NOX5: variants seen among roughly 807,000 people sequenced by gnomAD.
NOX5 encodes NADPH oxidase, EF-hand calcium binding domain 5.
A neutral mutation model predicts 85.7 loss-of-function variants in NOX5; 76 were observed. The ratio of observed to expected loss-of-function variants is 0.89; its 90% CI spans 0.74 to 1.07. The LOEUF (loss-of-function observed/expected upper bound fraction) is 1.07. Among genes scored for constraint, NOX5 ranks in the 50% least tolerant of loss-of-function variants. The pLI is 0.00. For missense variants in NOX5, 973 were observed against 999.5 expected (o/e 0.97, Z 0.36); for synonymous variants, 405 against 401.4 (o/e 1.01, Z -0.11).
At chr15:69,031,885 T>G in intron 4 of NOX5, 73 bp downstream of exon 4, 7 of 1,450,132 alleles carry the variant, frequency 4.8e-6, no homozygotes, top group Non-Finnish European at 6.5e-6. Context: ...TGGCAGGAAC[T>G]CACCGCGGAT....
rs930212969 is a variant in NOX5 at position 69,060,879 on chromosome 15, C to G, written c.*4183C>G. On this transcript the variant is annotated 3_prime_UTR_variant, in exon 16 of 16. Transcript: ENST00000388866. ...TTATCTGTTGGGGGCCCAGATGTGT[C>G]TACAGCATTGTTAACATCTGGTGAA... The G allele has an allele frequency of 5.3e-5, 8 of 152,228 alleles. No individual in the cohort carries two copies. Among genetic ancestry groups the G allele is most frequent in the Admixed American group, 3.3e-4 (5 of 15,278 alleles). 9.4% of individuals were successfully genotyped at this position (152,228 alleles called of 1,614,324 possible).
chr15:69,054,446 C>A (rs189648840), intron 14 of NOX5, among the ~76,000 whole-genome samples: 1 of 152,324 alleles, frequency 6.6e-6, no homozygotes, highest in Non-Finnish European at 1.5e-5. Context: ...CAGTTACTCT[C>A]AACCTTCCCC....
Position 69,056,841 on chromosome 15 carries a change from A to T in NOX5, c.*145A>T. On this transcript the variant is annotated 3_prime_UTR_variant, in exon 16 of 16. Coordinates refer to ENST00000388866, the MANE Select transcript of NOX5 (RefSeq NM_024505.4). ...CCCCCTAATCCTGCTCAACAGAGAG[A>T]ACAGGAGACCCCAAGGGGCAGATGA... 1 of 999,848 alleles carries T rather than the reference A, an allele frequency of 1.0e-6. No individual in the cohort carries two copies. Among genetic ancestry groups the T allele is most frequent in the Non-Finnish European group, 1.4e-6 (1 of 703,534 alleles). The allele number at this position is 999,848 out of a possible 1,614,324, so 61.9% of individuals were successfully genotyped here.
rs1176617906 is a variant in NOX5 at position 69,057,134 on chromosome 15, A to C, written c.*438A>C. Reference sequence around the variant, plus strand: ...TTGTTCAAACCTACAAAAAGTGAGAAGAATCATACAGTGAACAGTGTTACC... The same window carrying C: ...TTGTTCAAACCTACAAAAAGTGAGACGAATCATACAGTGAACAGTGTTACC... On this transcript the variant is annotated 3_prime_UTR_variant, in exon 16 of 16. Coordinates refer to ENST00000388866, the MANE Select transcript of NOX5 (RefSeq NM_024505.4). 6.0e-6 allele frequency: 1 copy of C among 165,414 alleles called. No homozygotes were observed. Among genetic ancestry groups the C allele is most frequent in the Non-Finnish European group, 1.3e-5 (1 of 74,830 alleles). 10.2% of individuals were successfully genotyped at this position (165,414 alleles called of 1,614,324 possible).
At chr15:69,053,526 G>A (rs531089875) in intron 14 of NOX5, among the ~76,000 whole-genome samples, 7 of 152,314 alleles carry the variant, frequency 4.6e-5, no homozygotes, top group African/African-American at 7.2e-5. Flanking sequence ...TGGTTATACC[G>A]TAAATTATTT....
chr15:69,039,078 C>T, intron 9 of NOX5, 89 bp downstream of exon 9: 1 of 1,416,410 alleles, frequency 7.1e-7, no homozygotes, highest in East Asian at 2.3e-5. Flanking sequence ...GAACACAGCA[C>T]TGAACAAGGC....
At position 69,049,052 on chromosome 15, in the gene NOX5, CAATACGGT is replaced by C. The variant is rs1320230567; in HGVS notation, c.1996_1999+4del. The stretch of plus-strand genomic sequence containing the variant: ...GGAGATGGACCAGGCCGAGGAGGCT[CAATACGGT>C]AAGAGAGGGACAGGGCCTGAGGGCA... On this transcript the variant is annotated splice_donor_variant and coding_sequence_variant, in exon 14 of 16. Coordinates refer to ENST00000388866, the MANE Select transcript of NOX5 (RefSeq NM_024505.4). LOFTEE classifies it high-confidence loss of function. 3.1e-6 allele frequency: 5 copies of C among 1,610,066 alleles called. No individual in the cohort carries two copies. The highest frequency in any genetic ancestry group is 4.2e-6 in the Non-Finnish European group (5 of 1,178,316).
intron 15 of NOX5, 137 bp from the exon 16 acceptor site, chr15:69,056,428 A>AT: frequency 9.0e-7 from 1 of 1,113,044 alleles, no homozygotes. Flanking sequence ...CAGCTGTGCC[A>AT]TGCAGCTCCC....
chr15:69,038,425 T>C, intron 8 of NOX5: 1 of 240,054 alleles, frequency 4.2e-6, no homozygotes, highest in Non-Finnish European at 8.1e-6. Flanking sequence ...GGCCTAGAGA[T>C]AACACAGTGC....
intron 9 of NOX5, among the ~76,000 whole-genome samples, chr15:69,040,287 C>A (rs1203899824): frequency 6.6e-6 from 1 of 152,212 alleles, no homozygotes; most frequent in East Asian, 1.9e-4. Flanking sequence ...TAAAGAACGT[C>A]TATGCTCTCA....
chr15:69,049,986 C>T (rs1030452200), intron 14 of NOX5, among the ~76,000 whole-genome samples: 1 of 152,214 alleles, frequency 6.6e-6, no homozygotes, highest in Non-Finnish European at 1.5e-5. Context: ...GCAGTCAACA[C>T]CCTCCCCTGA....
At chr15:69,036,895 C>T in intron 7 of NOX5, 133 bp from the exon 8 acceptor site, 1 of 731,892 alleles carries the variant, frequency 1.4e-6, no homozygotes, top group South Asian at 1.8e-5. Context: ...CAACATCTTA[C>T]CCAACTCCAT....
chr15:69,036,883 C>G (rs1302908178), intron 7 of NOX5, 145 bp from the exon 8 acceptor site: 1 of 672,740 alleles, frequency 1.5e-6, no homozygotes, highest in East Asian at 2.6e-5. Flanking sequence ...GCTTCCCAGC[C>G]CCAACATCTT....
Position 69,034,696 on chromosome 15 carries a change from C to T in NOX5, c.856-658C>T, listed in dbSNP as rs2050488893. Among the ~76,000 whole-genome samples, 10 of 152,332 alleles carry T rather than the reference C, an allele frequency of 6.6e-5. No individual in the cohort carries two copies. In the South Asian group the frequency reaches 2.1e-3, roughly 32 times the overall value. The stretch of plus-strand genomic sequence containing the variant: ...CTCGAGAACTAACACAACACGTGCC[C>T]ATCTGACATATGGACTAAATGAGGG... On this transcript the variant is annotated intron_variant, in intron 5 of 15. Coordinates refer to ENST00000388866, the MANE Select transcript of NOX5 (RefSeq NM_024505.4).
At chr15:69,051,472 C>T (rs527647100) in intron 14 of NOX5, among the ~76,000 whole-genome samples, 33 of 152,096 alleles carry the variant, frequency 2.2e-4, no homozygotes, top group African/African-American at 7.2e-4. Context: ...CTCTGCCTCC[C>T]GGGCTCAAGC....
chr15:69,038,807 G>A (rs2050554807), intron 8 of NOX5, 50 bp from the exon 9 acceptor site: 1 of 1,613,688 alleles, frequency 6.2e-7, no homozygotes, highest in South Asian at 1.1e-5. Context: ...TGTAGCCCCT[G>A]GTGGCTTTGG....
At chr15:69,056,157 T>C (rs985069941) in intron 15 of NOX5, among the ~76,000 whole-genome samples, 1 of 152,168 alleles carries the variant, frequency 6.6e-6, no homozygotes, top group African/African-American at 2.4e-5. Context: ...TCAGGAAGGA[T>C]ATTTAAATCA....
intron 4 of NOX5, among the ~76,000 whole-genome samples, chr15:69,032,409 CT>C (rs1210362821): frequency 0.021 from 2,925 of 142,656 alleles, 33 homozygotes; most frequent in South Asian, 0.047. Flanking sequence ...TGTGTATTAA[CT>C]TTTTTTTTTT....
chr15:69,037,164 G>T lies in NOX5; in HGVS notation c.1325G>T (p.Arg442Leu), dbSNP rs373906925. The stretch of plus-strand genomic sequence containing the variant: ...AAGGCCATCGGACTGGCAGTGTCCC[G>T]CATGGCAGCCGTGTGCATCATGGAA... ...LEKAIGLAVS[R>L]MAAVCIMEVN... Residue 442 changes from arginine (R) to leucine (L), a missense_variant, in exon 8 of 16, where the codon CGC becomes CTC. By Grantham distance (102) the Arg-to-Leu change is moderately radical. Coordinates refer to ENST00000388866, the MANE Select transcript of NOX5 (RefSeq NM_024505.4). The T allele has an allele frequency of 6.2e-6, 10 of 1,613,976 alleles. No homozygotes were observed. Among genetic ancestry groups the T allele is most frequent in the Non-Finnish European group, 8.5e-6 (10 of 1,180,018 alleles).
Sources: allele counts gnomAD v4.1 joint callset (sites outside exome capture counted in the v4.1 genomes callset), GRCh38; gene constraint gnomAD v4.1.1; transcripts MANE v1.5; gene names NCBI Gene and HGNC (gene_info 2026-07-23, HGNC 2026-07-21).